Variants in TANGO6 observed in about 807,000 individuals in gnomAD.
TANGO6 encodes the protein transport and Golgi organization protein 6 homolog.
Under a neutral mutation model 114.2 loss-of-function variants are expected in TANGO6, and 90 were observed. That is an observed-to-expected ratio of 0.79 (90% CI 0.66 to 0.94). The LOEUF (loss-of-function observed/expected upper bound fraction) is 0.94, where lower values mean the gene tolerates loss of function less well. Among genes scored for constraint, TANGO6 ranks in the 40% least tolerant of loss-of-function variants. TANGO6 has a pLI of 0.00. For missense variants in TANGO6, 1,274 were observed against 1,315.3 expected (o/e 0.97, Z 0.49); for synonymous variants, 477 against 509.8 (o/e 0.94, Z 0.87).
chr16:68,873,579 G>A (rs1464972905), intron 4 of TANGO6, among the ~76,000 whole-genome samples: 1 of 152,210 alleles, frequency 6.6e-6, no homozygotes, highest in Non-Finnish European at 1.5e-5. Flanking sequence ...TTCCCAAAGT[G>A]CTGGGATTAC....
intron 15 of TANGO6, among the ~76,000 whole-genome samples, chr16:68,993,547 G>T (rs942660936): frequency 6.6e-5 from 10 of 152,226 alleles, no homozygotes; most frequent in African/African-American, 2.4e-4. Context: ...CCTCTCCATG[G>T]CTTGATATAG....
intron 3 of TANGO6, among the ~76,000 whole-genome samples, chr16:68,865,152 C>G (rs1274413346): frequency 1.3e-5 from 2 of 151,948 alleles, no homozygotes; most frequent in East Asian, 3.9e-4. Context: ...TGGTGTGAGC[C>G]TGTAATCCCA....
At chr16:68,921,980 T>G (rs1424172269) in intron 12 of TANGO6, among the ~76,000 whole-genome samples, 1 of 152,170 alleles carries the variant, frequency 6.6e-6, no homozygotes, top group Non-Finnish European at 1.5e-5. Flanking sequence ...GGATTTTCTT[T>G]CTTTGTATTA....
chr16:68,845,582 G>A (rs1438931377), intron 1 of TANGO6, among the ~76,000 whole-genome samples: 1 of 152,090 alleles, frequency 6.6e-6, no homozygotes, highest in Non-Finnish European at 1.5e-5. Context: ...GGGCGAGGTG[G>A]GCCATACCTG....
intron 17 of TANGO6, among the ~76,000 whole-genome samples, chr16:69,042,410 G>A (rs2152234778): frequency 6.6e-6 from 1 of 152,276 alleles, no homozygotes; most frequent in East Asian, 1.9e-4. Flanking sequence ...AGCCAGGCGT[G>A]GTGGCAGGCA....
chr16:69,082,619 C>T (rs184249817), intron 17 of TANGO6, among the ~76,000 whole-genome samples: 5 of 152,214 alleles, frequency 3.3e-5, no homozygotes, highest in African/African-American at 1.2e-4. Flanking sequence ...GTGGTGCGCA[C>T]CTGTAGTCCC....
intron 17 of TANGO6, among the ~76,000 whole-genome samples, chr16:69,046,080 A>T (rs1420415508): frequency 6.6e-6 from 1 of 150,898 alleles, no homozygotes; most frequent in Non-Finnish European, 1.5e-5. Flanking sequence ...AAAAAAAAAA[A>T]AATTAAAATT....
chr16:68,916,222 C>T (rs2152189361), intron 11 of TANGO6, among the ~76,000 whole-genome samples: 1 of 152,244 alleles, frequency 6.6e-6, no homozygotes, highest in African/African-American at 2.4e-5. Flanking sequence ...GTTCTGTGGC[C>T]TGTTAGGAAC....
At chr16:68,903,367 C>T (rs902881270) in intron 9 of TANGO6, among the ~76,000 whole-genome samples, 1 of 152,094 alleles carries the variant, frequency 6.6e-6, no homozygotes, top group Non-Finnish European at 1.5e-5. Flanking sequence ...ACCTGTAATC[C>T]CAGCACTTTA....
At chr16:68,896,013 T>C (rs1230209985) in intron 7 of TANGO6, among the ~76,000 whole-genome samples, 1 of 152,002 alleles carries the variant, frequency 6.6e-6, no homozygotes, top group Non-Finnish European at 1.5e-5. Context: ...TCTCACTCTG[T>C]CACCCAGGCT....
intron 15 of TANGO6, among the ~76,000 whole-genome samples, chr16:68,976,174 T>C (rs1963764187): frequency 6.6e-6 from 1 of 152,134 alleles, no homozygotes; most frequent in Admixed American, 6.6e-5. Context: ...CCTCAAGCAG[T>C]CTTCCCACCT....
chr16:68,978,314 C>G (rs1265319791), intron 15 of TANGO6, among the ~76,000 whole-genome samples: 4 of 152,168 alleles, frequency 2.6e-5, no homozygotes, highest in Non-Finnish European at 5.9e-5. Context: ...GGATGAAAGG[C>G]TGGATAGAGT....
chr16:69,006,170 G>A (rs1440674312), intron 15 of TANGO6, among the ~76,000 whole-genome samples: 1 of 152,092 alleles, frequency 6.6e-6, no homozygotes, highest in African/African-American at 2.4e-5. Context: ...CTCAGTTCCT[G>A]TAGTGGGCAG....
intron 17 of TANGO6, among the ~76,000 whole-genome samples, chr16:69,052,972 G>T (rs760976019): frequency 6.6e-6 from 1 of 152,052 alleles, no homozygotes; most frequent in Non-Finnish European, 1.5e-5. Context: ...GCCAGGCATG[G>T]TGGTGCATGT....
At chr16:68,973,004 G>A (rs1963723424) in intron 14 of TANGO6, 3 of 392,814 alleles carry the variant, frequency 7.6e-6, no homozygotes, top group East Asian at 7.9e-5. Flanking sequence ...TGAGATCAGA[G>A]AGAGAACAAA....
intron 14 of TANGO6, among the ~76,000 whole-genome samples, chr16:68,948,802 G>A (rs894124040): frequency 6.6e-6 from 1 of 152,136 alleles, no homozygotes; most frequent in Admixed American, 6.6e-5. Flanking sequence ...CTCACACACT[G>A]CCCACCCTTC....
At position 68,918,658 on chromosome 16, in the gene TANGO6, C is replaced by T. The variant is rs1963044763; in HGVS notation, c.1993-427C>T. 2.0e-5 allele frequency among the ~76,000 whole-genome samples: 3 copies of T among 152,172 alleles called. No homozygotes were observed. The South Asian group carries it at 6.2e-4, about 32-fold the overall frequency. ...TATTAAGTGTATGGCCTTAAACAAA[C>T]AACCTTTTAAAGTCTCAGATTCTTC... On this transcript the variant is annotated intron_variant, in intron 11 of 17. Coordinates refer to ENST00000261778, the MANE Select transcript of TANGO6 (RefSeq NM_024562.2).
intron 17 of TANGO6, among the ~76,000 whole-genome samples, chr16:69,081,660 T>C (rs1217842847): frequency 6.6e-6 from 1 of 151,984 alleles, no homozygotes. Context: ...TATTTTTGTT[T>C]CCCTGTTCCG....
At position 69,028,547 on chromosome 16, in the gene TANGO6, C is replaced by T. The variant is rs142335373; in HGVS notation, c.2994+5568C>T. Among the ~76,000 whole-genome samples, 478 of 152,050 alleles carry T rather than the reference C, an allele frequency of 3.1e-3. 4 individuals are homozygous for T. The highest frequency in any genetic ancestry group is 0.011 in the African/African-American group (463 of 41,490). ...ACTTAGGAGGCTGTGGCAGGAGAAT[C>T]GCTTGAACACGGGAGGCGGAGTTTG... On this transcript the variant is annotated intron_variant, in intron 16 of 17. Transcript: ENST00000261778.
Sources: allele counts gnomAD v4.1 joint callset (sites outside exome capture counted in the v4.1 genomes callset), GRCh38; gene constraint gnomAD v4.1.1; transcripts MANE v1.5; gene names NCBI Gene and HGNC (gene_info 2026-07-23, HGNC 2026-07-21).